Variants in ZMAT4 observed in about 807,000 individuals in gnomAD.
The protein encoded by ZMAT4 is zinc finger matrin-type 4, also known as zinc finger matrin-type protein 4.
ZMAT4 carries 17 observed loss-of-function variants against 28.7 expected under a neutral mutation model. The ratio of observed to expected loss-of-function variants is 0.59; its 90% CI spans 0.41 to 0.89. The LOEUF is 0.89. ZMAT4 is among the 40% of genes least tolerant of loss of function. ZMAT4 has a pLI of 0.00. For synonymous variants in ZMAT4, 117 were observed against 109.2 expected (o/e 1.07, Z -0.44); for missense variants, 240 against 283.8 (o/e 0.85, Z 1.11).
intron 3 of ZMAT4, among the ~76,000 whole-genome samples, chr8:40,703,726 TGA>T (rs1233873321): frequency 6.6e-6 from 1 of 152,154 alleles, no homozygotes; most frequent in Non-Finnish European, 1.5e-5. Flanking sequence ...TAAAAATAGG[TGA>T]GTTTTGTGAC....
intron 6 of ZMAT4, among the ~76,000 whole-genome samples, chr8:40,563,817 G>C (rs765208264): frequency 6.6e-6 from 1 of 152,064 alleles, no homozygotes. Flanking sequence ...AAAGGCAGCT[G>C]TTCCTTGACT....
In ZMAT4 at chr8:40,713,222, T is replaced by C. The variant is rs115469815; in HGVS notation, c.193-15821A>G. ...GAGGAAAAGGACATTATTCAATAAA[T>C]GGAATTGAAGGACTGAATAACAATT... On this transcript the variant is annotated intron_variant, in intron 3 of 6. Transcript: ENST00000297737. Among the ~76,000 whole-genome samples, 386 of 152,176 alleles carry C rather than the reference T, an allele frequency of 2.5e-3. 3 individuals carry two copies. Among genetic ancestry groups the C allele is most frequent in the African/African-American group, 8.8e-3 (364 of 41,530 alleles).
At chr8:40,871,444 GA>G (rs1817854388) in intron 1 of ZMAT4, among the ~76,000 whole-genome samples, 1 of 152,000 alleles carries the variant, frequency 6.6e-6, no homozygotes, top group East Asian at 1.9e-4. Flanking sequence ...TCAGGCACCA[GA>G]AAAAAAGACA....
chr8:40,797,579 C>T (rs1448894943), intron 2 of ZMAT4, among the ~76,000 whole-genome samples: 1 of 152,156 alleles, frequency 6.6e-6, no homozygotes, highest in African/African-American at 2.4e-5. Context: ...TAACAGGGCC[C>T]AGATATTGTA....
chr8:40,879,900 T>A (rs1006876798), intron 1 of ZMAT4, among the ~76,000 whole-genome samples: 3 of 151,958 alleles, frequency 2.0e-5, no homozygotes, highest in African/African-American at 7.2e-5. Context: ...AGCCTAATAC[T>A]CCATTGTATG....
At chr8:40,623,033 T>A (rs1806252993) in intron 5 of ZMAT4, among the ~76,000 whole-genome samples, 1 of 152,188 alleles carries the variant, frequency 6.6e-6, no homozygotes, top group Non-Finnish European at 1.5e-5. Flanking sequence ...CTTTCCTCCA[T>A]GTCAGAGTCT....
chr8:40,816,170 CT>C (rs1195467793), intron 2 of ZMAT4, among the ~76,000 whole-genome samples: 1 of 152,170 alleles, frequency 6.6e-6, no homozygotes, highest in East Asian at 1.9e-4. Flanking sequence ...CGATTGAGTT[CT>C]GGTCCATGGA....
intron 1 of ZMAT4, among the ~76,000 whole-genome samples, chr8:40,829,546 T>TGA (rs1431815046): frequency 6.6e-6 from 1 of 152,166 alleles, no homozygotes; most frequent in Non-Finnish European, 1.5e-5. Flanking sequence ...GTGCTTTTAT[T>TGA]GATTCTATAA....
intron 3 of ZMAT4, among the ~76,000 whole-genome samples, chr8:40,722,679 C>T (rs181277558): frequency 1.5e-3 from 233 of 152,282 alleles, no homozygotes; most frequent in African/African-American, 5.5e-3. Flanking sequence ...AAGGAAAAAG[C>T]TGCACATACA....
chr8:40,584,897 G>A (rs1052833719), intron 5 of ZMAT4, among the ~76,000 whole-genome samples: 1 of 152,190 alleles, frequency 6.6e-6, no homozygotes, highest in African/African-American at 2.4e-5. Flanking sequence ...GCCTCCCAAA[G>A]TGCTGGGATT....
intron 3 of ZMAT4, among the ~76,000 whole-genome samples, chr8:40,746,317 T>TTTCCTTTCCC (rs1563454209): frequency 7.8e-6 from 1 of 128,396 alleles, no homozygotes; most frequent in Non-Finnish European, 1.7e-5. Context: ...TTTCCTTTCC[T>TTTCCTTTCCC]TTCCTTTCCT....
At chr8:40,810,987 A>T (rs1815291984) in intron 2 of ZMAT4, among the ~76,000 whole-genome samples, 1 of 152,226 alleles carries the variant, frequency 6.6e-6, no homozygotes, top group African/African-American at 2.4e-5. Context: ...TCAAATATTG[A>T]CTAGATTAGG....
chr8:40,580,146 A>G (rs548880269), intron 6 of ZMAT4, among the ~76,000 whole-genome samples: 46 of 150,436 alleles, frequency 3.1e-4, no homozygotes, highest in Admixed American at 1.2e-3. Context: ...CTGAGTAGCT[A>G]GGACTACAGG....
At chr8:40,624,493 T>G (rs1806303410) in intron 5 of ZMAT4, among the ~76,000 whole-genome samples, 1 of 152,250 alleles carries the variant, frequency 6.6e-6, no homozygotes, top group Non-Finnish European at 1.5e-5. Flanking sequence ...TCCACCTTCC[T>G]TTCCAAATTA....
intron 2 of ZMAT4, among the ~76,000 whole-genome samples, chr8:40,769,600 T>C (rs1471245315): frequency 6.6e-6 from 1 of 152,148 alleles, no homozygotes; most frequent in African/African-American, 2.4e-5. Flanking sequence ...CGATAATGGG[T>C]GGAAAAATAA....
chr8:40,540,968 A>C (rs894127321), intron 6 of ZMAT4, among the ~76,000 whole-genome samples: 2 of 152,154 alleles, frequency 1.3e-5, no homozygotes, highest in African/African-American at 2.4e-5. Context: ...GAGGTTTACT[A>C]TCAAATGCCC....
chr8:40,840,450 G>T (rs1016968656), intron 1 of ZMAT4, among the ~76,000 whole-genome samples: 1 of 152,016 alleles, frequency 6.6e-6, no homozygotes, highest in East Asian at 1.9e-4. Flanking sequence ...AGAGCCACCC[G>T]GTAGGCACCC....
chr8:40,532,916 C>T (rs1802738195), intron 6 of ZMAT4, among the ~76,000 whole-genome samples: 1 of 151,740 alleles, frequency 6.6e-6, no homozygotes, highest in South Asian at 2.1e-4. Flanking sequence ...ATCGCTTGAA[C>T]CTGATGCAGT....
intron 6 of ZMAT4, among the ~76,000 whole-genome samples, chr8:40,554,435 C>T (rs959802000): frequency 2.0e-5 from 3 of 151,852 alleles, no homozygotes; most frequent in African/African-American, 4.8e-5. Context: ...GAATACACTG[C>T]GAAAAAACTA....
Sources: allele counts gnomAD v4.1 joint callset (sites outside exome capture counted in the v4.1 genomes callset), GRCh38; gene constraint gnomAD v4.1.1; transcripts MANE v1.5; gene names NCBI Gene and HGNC (gene_info 2026-07-23, HGNC 2026-07-21).